Variants in GPD2 observed in about 807,000 individuals in gnomAD.
The protein encoded by GPD2 is glycerol-3-phosphate dehydrogenase 2, also known as glycerol-3-phosphate dehydrogenase, mitochondrial.
In GPD2, 54 loss-of-function variants were observed where a neutral mutation model predicts 82.4. That is an observed-to-expected ratio of 0.66 (90% CI 0.53 to 0.82). GPD2 has a LOEUF of 0.82. GPD2 is among the 40% of genes least tolerant of loss of function. The probability of loss-of-function intolerance (pLI) is 0.00; values close to 1 mark genes in which losing one functional copy is unlikely to be tolerated. For missense variants in GPD2, 748 were observed against 896.2 expected, an observed-to-expected ratio of 0.83 and a Z score of 2.11; for synonymous variants, 288 against 306.1, an observed-to-expected ratio of 0.94 and a Z score of 0.62.
At chr2:156,547,127 G>T (rs992891081) in intron 6 of GPD2, among the ~76,000 whole-genome samples, 15 of 152,164 alleles carry the variant, frequency 9.9e-5, no homozygotes, top group African/African-American at 3.6e-4. Context: ...TATATTCCGT[G>T]CATTTGTCAC....
intron 1 of GPD2, among the ~76,000 whole-genome samples, chr2:156,455,290 C>G (rs1344715656): frequency 2.0e-5 from 3 of 152,144 alleles, no homozygotes; most frequent in Admixed American, 1.3e-4. Flanking sequence ...AGAGAATGGT[C>G]TTTTAAGTTC....
Position 156,554,802 on chromosome 2 carries a change from A to G in GPD2, c.972-2587A>G, listed in dbSNP as rs142638771. On this transcript the variant is annotated intron_variant, in intron 8 of 16. Transcript: ENST00000438166. ...ACAAGAGGTCAATTTTTTTCCTATAATGTGTGTACATACTGTTAGCTCTAA... is the reference window on the plus strand; with the variant it reads ...ACAAGAGGTCAATTTTTTTCCTATAGTGTGTGTACATACTGTTAGCTCTAA... Among the ~76,000 whole-genome samples the G allele has an allele frequency of 2.7e-3, 416 of 152,290 alleles. 4 individuals carry two copies. The highest frequency in any genetic ancestry group is 4.7e-3 in the Non-Finnish European group (318 of 68,018).
intron 1 of GPD2, among the ~76,000 whole-genome samples, chr2:156,462,589 A>T (rs1377856376): frequency 6.6e-6 from 1 of 151,672 alleles, no homozygotes; most frequent in African/African-American, 2.4e-5. Context: ...GGCATGAGCC[A>T]CCGCACCTAG....
chr2:156,521,967 A>AGCCCCCAGGAAAC (rs1685424485), intron 6 of GPD2, among the ~76,000 whole-genome samples: 1 of 150,918 alleles, frequency 6.6e-6, no homozygotes, highest in African/African-American at 2.4e-5. Flanking sequence ...CAGCAGGCAT[A>AGCCCCCAGGAAAC]TTTTTTTTTG....
intron 1 of GPD2, among the ~76,000 whole-genome samples, chr2:156,438,977 A>G (rs1349690724): frequency 6.6e-6 from 1 of 152,228 alleles, no homozygotes; most frequent in African/African-American, 2.4e-5. Flanking sequence ...AGTTGGAGAC[A>G]GCTTCCTGGT....
intron 5 of GPD2, 81 bp from the exon 6 acceptor site, chr2:156,513,252 A>G: frequency 9.7e-7 from 1 of 1,025,734 alleles, no homozygotes; most frequent in Non-Finnish European, 1.5e-6. Flanking sequence ...TTCTTAAATG[A>G]AAGTGTCTTG....
chr2:156,437,830 A>G (rs1032753570), intron 1 of GPD2, among the ~76,000 whole-genome samples: 3 of 152,170 alleles, frequency 2.0e-5, no homozygotes, highest in Non-Finnish European at 4.4e-5. Context: ...AGTGTTACCA[A>G]TTGTTAGTGA....
chr2:156,452,623 G>T (rs190292450), intron 1 of GPD2, among the ~76,000 whole-genome samples: 1 of 152,210 alleles, frequency 6.6e-6, no homozygotes, highest in Non-Finnish European at 1.5e-5. Flanking sequence ...AAGCAGAGAC[G>T]TGGAAAAGTT....
intron 6 of GPD2, among the ~76,000 whole-genome samples, chr2:156,529,672 C>G (rs1163042102): frequency 2.0e-5 from 3 of 151,224 alleles, no homozygotes; most frequent in African/African-American, 7.3e-5. Context: ...GCCAGTTTTC[C>G]CAGCACCATT....
chr2:156,486,014 T>C (rs535823241), intron 2 of GPD2, among the ~76,000 whole-genome samples: 2 of 152,288 alleles, frequency 1.3e-5, no homozygotes, highest in African/African-American at 4.8e-5. Context: ...ATAACTAAAT[T>C]TGTGGGAATG....
chr2:156,510,946 CA>C, intron 4 of GPD2, 26 bp downstream of exon 4: 2 of 1,607,998 alleles, frequency 1.2e-6, no homozygotes, highest in Non-Finnish European at 1.7e-6. Context: ...GGTTGTTAAA[CA>C]AAAATTGCAA....
intron 1 of GPD2, among the ~76,000 whole-genome samples, chr2:156,465,524 G>A (rs766227635): frequency 6.6e-6 from 1 of 151,900 alleles, no homozygotes; most frequent in East Asian, 1.9e-4. Context: ...ATCATGCCCA[G>A]CTAATTAAAA....
intron 8 of GPD2, among the ~76,000 whole-genome samples, chr2:156,551,973 C>T (rs1283027468): frequency 6.6e-6 from 1 of 151,944 alleles, no homozygotes; most frequent in East Asian, 1.9e-4. Flanking sequence ...TGTGTAGAAC[C>T]TATGATATTT....
At chr2:156,521,942 A>T (rs1467059876) in intron 6 of GPD2, among the ~76,000 whole-genome samples, 14 of 152,282 alleles carry the variant, frequency 9.2e-5, no homozygotes. Flanking sequence ...AATGAAACTG[A>T]CATCATTGCT....
the GPD2 span, among the ~76,000 whole-genome samples, chr2:156,423,280 A>C: frequency 6.6e-6 from 1 of 152,230 alleles, no homozygotes; most frequent in African/African-American, 2.4e-5. Flanking sequence ...TGCAAAAGTA[A>C]TTGCAGTTTT....
chr2:156,553,231 G>A (rs953444460), intron 8 of GPD2, among the ~76,000 whole-genome samples: 1 of 152,006 alleles, frequency 6.6e-6, no homozygotes, highest in Non-Finnish European at 1.5e-5. Flanking sequence ...GTTTGACAAT[G>A]ATCCTTGGAT....
At chr2:156,490,601 A>T (rs1684139664) in intron 2 of GPD2, among the ~76,000 whole-genome samples, 1 of 152,052 alleles carries the variant, frequency 6.6e-6, no homozygotes, top group Non-Finnish European at 1.5e-5. Flanking sequence ...TACTTTTTAA[A>T]TTTTTTTCTC....
intron 1 of GPD2, among the ~76,000 whole-genome samples, chr2:156,474,435 GTT>G: frequency 6.6e-6 from 1 of 152,032 alleles, no homozygotes; most frequent in East Asian, 1.9e-4. Flanking sequence ...ATAATAAATT[GTT>G]TTCTTGAGTT....
chr2:156,544,034 C>T (rs912850468), intron 6 of GPD2, among the ~76,000 whole-genome samples: 4 of 152,092 alleles, frequency 2.6e-5, no homozygotes, highest in Non-Finnish European at 1.5e-5. Flanking sequence ...ATTCTTCATA[C>T]AGATAACCAC....
Sources: allele counts gnomAD v4.1 joint callset (sites outside exome capture counted in the v4.1 genomes callset), GRCh38; gene constraint gnomAD v4.1.1; transcripts MANE v1.5; gene names NCBI Gene and HGNC (gene_info 2026-07-23, HGNC 2026-07-21).